Variants in ATP11A observed in about 807,000 individuals in gnomAD.
The protein encoded by ATP11A is ATPase phospholipid transporting 11A.
Under a neutral mutation model 154.4 loss-of-function variants are expected in ATP11A, and 81 were observed. That is an observed-to-expected ratio of 0.52 (90% CI 0.44 to 0.63). ATP11A has a LOEUF of 0.63. ATP11A is among the 30% of genes least tolerant of loss of function. The pLI, the probability that ATP11A is intolerant of heterozygous loss-of-function variation, is 0.00. For synonymous variants in ATP11A, 623 were observed against 585.9 expected, an observed-to-expected ratio of 1.06 and a Z score of -0.91; for missense variants, 1,316 against 1,474.3, an observed-to-expected ratio of 0.89 and a Z score of 1.76.
chr13:112,709,497 A>G (rs1182797931), intron 1 of ATP11A, among the ~76,000 whole-genome samples: 1 of 152,160 alleles, frequency 6.6e-6, no homozygotes, highest in African/African-American at 2.4e-5. Flanking sequence ...AGCAATTTAC[A>G]ACCTGCCTTC....
chr13:112,825,509 T>C lies in ATP11A; in HGVS notation c.952T>C (p.Trp318Arg), dbSNP rs1301835986. Residue 318 changes from tryptophan (W) to arginine (R), a missense_variant, in exon 11 of 30, where the codon TGG (tryptophan) becomes CGG (arginine). By Grantham distance (101) the Trp-to-Arg change is moderately radical. Transcript: ENST00000375645. ...GATAAACACTGTGCTGAAATACATG[T>C]GGCAGAGTGAGCCCTTTCGGGATGA... The part of the protein sequence containing the change: ...ALINTVLKYM[W>R]QSEPFRDEPW... 6.2e-7 allele frequency: 1 copy of C among 1,613,984 alleles called. No homozygotes were observed. The highest frequency in any genetic ancestry group is 1.7e-5 in the Admixed American group (1 of 60,006).
rs560310484 is a variant in ATP11A at position 112,826,627 on chromosome 13, AG to A, written c.1024-66del. 4.4e-5 allele frequency: 56 copies of A among 1,264,142 alleles called. No homozygotes were observed. The East Asian group carries it at 1.2e-3, about 27-fold the overall frequency. The allele number at this position is 1,264,142 out of a possible 1,614,324, so 78.3% of individuals were successfully genotyped here. Reference sequence around the variant, plus strand: ...CTTATGCCTAAGCCTGAGGTGTTAGAGCAGCATGTTGGAGGCCTGCTGTCCC... The same window carrying A: ...CTTATGCCTAAGCCTGAGGTGTTAGACAGCATGTTGGAGGCCTGCTGTCCC... On this transcript the variant is annotated intron_variant, in intron 11 of 29. Transcript: ENST00000375645.
chr13:112,738,268 GAGGCTGAGGC>G (rs1891190702), intron 1 of ATP11A, among the ~76,000 whole-genome samples: 2 of 152,266 alleles, frequency 1.3e-5, no homozygotes, highest in African/African-American at 4.8e-5. Context: ...AGCTACTCGG[GAGGCTGAGGC>G]AGGAGAATTG....
intron 1 of ATP11A, among the ~76,000 whole-genome samples, chr13:112,750,437 G>T (rs2139807718): frequency 3.0e-5 from 2 of 66,426 alleles, no homozygotes; most frequent in East Asian, 7.8e-4. Context: ...GGACACGCCT[G>T]CTGAAGGACG....
At chr13:112,845,785 G>C (rs9550229) in intron 17 of ATP11A, among the ~76,000 whole-genome samples, 7,777 of 82,524 alleles carry the variant, frequency 0.094, 266 homozygotes, top group Admixed American at 0.12. Flanking sequence ...GTACTAACCA[G>C]TCCAGTTTCC....
rs2140247788 is a variant in ATP11A, at chr13:112,831,548, G to A, written c.1395G>A (p.Arg465=). 11 of 1,613,762 alleles carry A rather than the reference G, an allele frequency of 6.8e-6. No individual in the cohort carries two copies. Among genetic ancestry groups the A allele is most frequent in the Non-Finnish European group, 9.3e-6 (11 of 1,179,706 alleles). Residue 465 remains arginine, a splice_region_variant and synonymous_variant, in exon 13 of 30, where the codon AGG becomes AGA. Transcript: ENST00000375645. ...MIDSSPSVNG[R]EREELFFRAL... is the part of the protein sequence containing the mutation. ...ACTCGTCCCCCAGCGTCAACGGGAG[G>A]GTAGGTGGCAGCCCCCACGCCGTCC...
intron 1 of ATP11A, chr13:112,745,524 G>A (rs1594515957): frequency 6.6e-6 from 1 of 152,182 alleles, no homozygotes; most frequent in South Asian, 2.1e-4. Flanking sequence ...GTGTACCCTA[G>A]TATGAAGAGA....
chr13:112,882,993 C>G lies in ATP11A; in HGVS notation c.*1127C>G, dbSNP rs1389962724. 2.0e-5 allele frequency: 8 copies of G among 399,058 alleles called. No individual in the cohort carries two copies. 24.7% of individuals were successfully genotyped at this position (399,058 alleles called of 1,614,324 possible). On this transcript the variant is annotated 3_prime_UTR_variant, in exon 30 of 30. Coordinates refer to ENST00000375645, the MANE Select transcript of ATP11A (RefSeq NM_015205.3). This position sits in a 1 kb window ranked among gnomAD's most constrained non-coding sequence, Gnocchi z 5.1. ...CTGCAGCTCCGCCCGCCGGGCTCTG[C>G]GTCCCCACGTCCCCTCGTCCCATCC...
intron 7 of ATP11A, 101 bp downstream of exon 7, chr13:112,819,508 A>G (rs1210038830): frequency 3.4e-5 from 33 of 972,794 alleles, no homozygotes; most frequent in Non-Finnish European, 4.0e-5. Context: ...TGGTTTGGAA[A>G]GAGAATGTAA....
intron 19 of ATP11A, 103 bp downstream of exon 19, chr13:112,854,633 G>C (rs1217339547): frequency 1.5e-6 from 2 of 1,376,620 alleles, no homozygotes; most frequent in African/African-American, 2.9e-5. Flanking sequence ...TCTCTACTGG[G>C]AATTCGGTTC....
intron 11 of ATP11A, among the ~76,000 whole-genome samples, chr13:112,825,873 A>G (rs1295485301): frequency 6.6e-6 from 1 of 152,224 alleles, no homozygotes; most frequent in East Asian, 1.9e-4. Flanking sequence ...AATGCTTGTT[A>G]ATGATTATGA....
chr13:112,695,056 A>G (rs1340141109), intron 1 of ATP11A, among the ~76,000 whole-genome samples: 2 of 152,176 alleles, frequency 1.3e-5, no homozygotes, highest in Non-Finnish European at 2.9e-5. Context: ...TATTTAACTC[A>G]GTTATGCCAG....
In ATP11A at chr13:112,875,876, C is replaced by G; in HGVS notation, c.3262C>G (p.Leu1088Val). 1.9e-6 allele frequency: 3 copies of G among 1,613,866 alleles called. No homozygotes were observed. Among genetic ancestry groups the G allele is most frequent in the Non-Finnish European group, 2.5e-6 (3 of 1,180,040 alleles). ...AIVLLVTISL[L>V]PDVLKKVLCR... The stretch of plus-strand genomic sequence containing the variant: ...CGTGCTGCTGGTGACCATCAGCCTC[C>G]TTCCCGACGTCCTCAAGAAAGTCCT... The change falls in exon 28 of 30, where the codon CTT becomes GTT. Residue 1088 changes from leucine (L) to valine (V), a missense_variant. Leu to Val is a conservative substitution (Grantham distance 32). This residue lies in a region of ATP11A where 294 missense variants were observed against 290.2 expected (regional missense o/e 1.01). Coordinates refer to ENST00000375645, the MANE Select transcript of ATP11A (RefSeq NM_015205.3). This position sits in a 1 kb window ranked among gnomAD's most constrained non-coding sequence, Gnocchi z 4.1.
At position 112,780,105 on chromosome 13, in the gene ATP11A, C is replaced by T. The variant is rs890331990; in HGVS notation, c.40-5030C>T. 4.0e-5 allele frequency among the ~76,000 whole-genome samples: 6 copies of T among 150,694 alleles called. No individual in the cohort carries two copies. In the South Asian group the frequency reaches 6.2e-4, roughly 16 times the overall value. On this transcript the variant is annotated intron_variant, in intron 1 of 29. Coordinates refer to ENST00000375645, the MANE Select transcript of ATP11A (RefSeq NM_015205.3). ...TGAGAAAGTGTGGAAATAATGATCT[C>T]GTGTGCAAACCATGCATGCCTTTCA...
At chr13:112,698,221 C>T (rs1410806982) in intron 1 of ATP11A, among the ~76,000 whole-genome samples, 1 of 152,064 alleles carries the variant, frequency 6.6e-6, no homozygotes, top group Non-Finnish European at 1.5e-5. Context: ...ACCGCTTCTG[C>T]TGGAGCGATG....
intron 1 of ATP11A, among the ~76,000 whole-genome samples, chr13:112,707,768 T>G (rs989282057): frequency 1.3e-5 from 2 of 152,160 alleles, no homozygotes; most frequent in African/African-American, 4.8e-5. Context: ...AAAGTGGATC[T>G]TATATGACAA....
intron 16 of ATP11A, among the ~76,000 whole-genome samples, chr13:112,839,618 G>A (rs1271992804): frequency 6.6e-6 from 1 of 152,190 alleles, no homozygotes; most frequent in African/African-American, 2.4e-5. Flanking sequence ...ACAGGATCCT[G>A]TGTGTTCGGT....
chr13:112,725,588 C>G (rs1889761777), intron 1 of ATP11A, among the ~76,000 whole-genome samples: 1 of 152,178 alleles, frequency 6.6e-6, no homozygotes, highest in South Asian at 2.1e-4. Flanking sequence ...CTCTAACGAC[C>G]AAGTGTGGGA....
Position 112,864,448 on chromosome 13 carries a change from T to C in ATP11A, c.2991+1873T>C, listed in dbSNP as rs1014201752. ...CATCACCACATGGGCAGTAATTCAG[T>C]GCAGCCCATGCAGCTTCCCAGCGGG... is the stretch of plus-strand genomic sequence containing the variant. On this transcript the variant is annotated intron_variant, in intron 25 of 29. Coordinates refer to ENST00000375645, the MANE Select transcript of ATP11A (RefSeq NM_015205.3). Among the ~76,000 whole-genome samples the C allele has an allele frequency of 2.3e-4, 21 of 92,824 alleles. 2 individuals carry two copies. The East Asian group carries it at 3.1e-3, about 14-fold the overall frequency. 60.9% of individuals were successfully genotyped at this position (92,824 alleles called of 152,430 possible).
Sources: allele counts gnomAD v4.1 joint callset (sites outside exome capture counted in the v4.1 genomes callset), GRCh38; gene constraint gnomAD v4.1.1; regional missense constraint gnomAD v4.1.1; non-coding constraint Gnocchi (gnomAD v3.1); transcripts MANE v1.5; gene names NCBI Gene and HGNC (gene_info 2026-07-23, HGNC 2026-07-21).